Variants in SYT2 observed in about 807,000 individuals in gnomAD.
SYT2 encodes the protein synaptotagmin 2, also known as synaptotagmin-2.
In SYT2, 15 loss-of-function variants were observed where a neutral mutation model predicts 39.9. That is an observed-to-expected ratio of 0.38 (90% confidence interval 0.25 to 0.58). The LOEUF is 0.58. Ranked by LOEUF, SYT2 falls within the 20% of genes least tolerant of loss-of-function variation. The pLI is 0.70. For missense variants in SYT2, 389 were observed against 530.3 expected (o/e 0.73, Z 2.62); for synonymous variants, 181 against 204.5 (o/e 0.89, Z 0.98).
At chr1:202,643,925 GGGAGGGGACCCCCTGGCTGTAGGGAAT>G (rs1692011423) in intron 1 of SYT2, among the ~76,000 whole-genome samples, 1 of 152,244 alleles carries the variant, frequency 6.6e-6, no homozygotes, top group African/African-American at 2.4e-5. Flanking sequence ...GATTAGCTGG[GGGAGGGGACCCCCTGGCTGTAGGGAAT>G]GGCCTGCGGG....
In SYT2 at chr1:202,600,110, C is replaced by A. The variant is rs189476813; in HGVS notation, c.919+247G>T. The stretch of plus-strand genomic sequence containing the variant: ...ACAAACTTATCTGGGGATGAAATTT[C>A]TCTGATCCTTTTCTCTGTAGCCCAC... On this transcript the variant is annotated intron_variant, in intron 7 of 8. Transcript: ENST00000367268. Among the ~76,000 whole-genome samples, 177 of 152,324 alleles carry A rather than the reference C, an allele frequency of 1.2e-3. 1 individual carries two copies. The highest frequency in any genetic ancestry group is 4.1e-3 in the African/African-American group (172 of 41,574).
Position 202,601,749 on chromosome 1 carries a change from A to C in SYT2, c.801+141T>G. The C allele has an allele frequency of 1.1e-6, 1 of 888,496 alleles. No homozygotes were observed. Among genetic ancestry groups the C allele is most frequent in the Non-Finnish European group, 1.7e-6 (1 of 574,544 alleles). The allele number at this position is 888,496 out of a possible 1,614,324, so 55.0% of individuals were successfully genotyped here. On this transcript the variant is annotated intron_variant, in intron 6 of 8. Transcript: ENST00000367268. The surrounding 1 kb of genome is among the most constrained non-coding windows in gnomAD (Gnocchi z 4.0). Reference sequence around the variant, plus strand: ...GAGTGTAAGCAACTTGCCCAGGGTCACACAGCCAGGCAGTGTGGAGCTGGG... The same window carrying C: ...GAGTGTAAGCAACTTGCCCAGGGTCCCACAGCCAGGCAGTGTGGAGCTGGG...
At chr1:202,709,922 C>CG (rs1007951248) in intron 1 of SYT2, among the ~76,000 whole-genome samples, 31 of 152,142 alleles carry the variant, frequency 2.0e-4, no homozygotes, top group Middle Eastern at 6.8e-3. Context: ...GAGAGAGGGA[C>CG]GGGGGCGCAG....
At position 202,595,183 on chromosome 1, in the gene SYT2, C is replaced by G. The variant is rs12033887; in HGVS notation, c.*1574G>C. The G allele has an allele frequency of 0.099, 15,044 of 152,438 alleles. 1,138 individuals are homozygous for G. Among genetic ancestry groups the G allele is most frequent in the East Asian group, 0.35 (1,825 of 5,184 alleles). The allele number at this position is 152,438 out of a possible 1,614,324, so 9.4% of individuals were successfully genotyped here. A position where few individuals can be genotyped will look rare whatever the true frequency, so the allele number is the denominator to read the frequency against. On this transcript the variant is annotated 3_prime_UTR_variant, in exon 9 of 9. Transcript: ENST00000367268. ...CCTCTGGCCACAAGGGGACCTCACT[C>G]TGTTGTCCAGGCTGAAGGATTGGAA...
At chr1:202,685,886 G>A (rs565119023) in intron 1 of SYT2, among the ~76,000 whole-genome samples, 3 of 152,010 alleles carry the variant, frequency 2.0e-5, no homozygotes, top group African/African-American at 4.8e-5. Context: ...GAGATCATCC[G>A]GACACAGTCT....
chr1:202,670,245 A>G (rs1398373649), intron 1 of SYT2, among the ~76,000 whole-genome samples: 2 of 152,228 alleles, frequency 1.3e-5, no homozygotes. Context: ...CACTGGGAAC[A>G]GACAGAGAAG....
At chr1:202,691,690 A>G (rs112913850) in intron 1 of SYT2, among the ~76,000 whole-genome samples, 6 of 7,502 alleles carry the variant, frequency 8.0e-4, no homozygotes, top group African/African-American at 1.8e-3. Flanking sequence ...CGAGGGGGAG[A>G]GGGAGAGGGA....
chr1:202,651,742 A>G (rs1196278112), intron 1 of SYT2, among the ~76,000 whole-genome samples: 1 of 152,216 alleles, frequency 6.6e-6, no homozygotes, highest in Non-Finnish European at 1.5e-5. Context: ...TATTCTACCC[A>G]GTTTACAGAA....
At chr1:202,604,742 T>G in intron 2 of SYT2, 121 bp from the exon 3 acceptor site, 2 of 927,668 alleles carry the variant, frequency 2.2e-6, no homozygotes, top group African/African-American at 3.3e-5. Context: ...ACACCCCACA[T>G]TTTAAAAGCC....
At chr1:202,690,081 C>T (rs973248686) in intron 1 of SYT2, among the ~76,000 whole-genome samples, 7 of 147,472 alleles carry the variant, frequency 4.7e-5, no homozygotes, top group South Asian at 2.2e-4. Context: ...GACGCAGCAA[C>T]GGAACAGCTG....
rs527247729 is a variant in SYT2, at chr1:202,602,422, G to T, written c.589C>A (p.Arg197=). The T allele has an allele frequency of 4.3e-6, 7 of 1,614,064 alleles. No individual in the cohort carries two copies. The East Asian group carries it at 1.6e-4, about 36-fold the overall frequency. ...TTGAAGGCAGGGTTCAGTGTCTTCC[G>T]ATGGACTTTGGTCTCATATTTCTTC... ...KKKKYETKVH[R]KTLNPAFNET... is the part of the protein sequence containing the mutation. Residue 197 remains arginine (R), a synonymous_variant, in exon 5 of 9, where the codon CGG becomes AGG. Coordinates refer to ENST00000367268, the MANE Select transcript of SYT2 (RefSeq NM_177402.5).
chr1:202,658,719 G>A (rs1036111603), intron 1 of SYT2, among the ~76,000 whole-genome samples: 8 of 151,182 alleles, frequency 5.3e-5, no homozygotes, highest in African/African-American at 7.3e-5. Flanking sequence ...AGGGAAATGC[G>A]CAGCCAAATG....
At chr1:202,640,761 AGAGAGAG>A (rs1189118910) in intron 1 of SYT2, among the ~76,000 whole-genome samples, 16 of 148,690 alleles carry the variant, frequency 1.1e-4, no homozygotes, top group Non-Finnish European at 2.2e-4. Context: ...AGAGAGAGAG[AGAGAGAG>A]AGAGAGAGAG....
rs532583265 is a variant in SYT2 at position 202,654,876 on chromosome 1, T to C, written c.-17-49087A>G. 1.1e-4 allele frequency among the ~76,000 whole-genome samples: 17 copies of C among 152,274 alleles called. No individual in the cohort carries two copies. In the South Asian group the frequency reaches 3.5e-3, roughly 32 times the overall value. ...TCTGCATAATCCAGGTGAGAGATGC[T>C]AATGGCTGGCCCAGGCTGCTAGAGC... On this transcript the variant is annotated intron_variant, in intron 1 of 8. Transcript: ENST00000367268.
intron 1 of SYT2, among the ~76,000 whole-genome samples, chr1:202,625,118 A>G (rs116287564): frequency 0.27 from 488 of 1,780 alleles, 230 homozygotes; most frequent in Non-Finnish European, 0.39. Flanking sequence ...TGTGTGTGGT[A>G]TGTGTGTCGT....
At chr1:202,704,560 T>A (rs1654201002) in intron 1 of SYT2, among the ~76,000 whole-genome samples, 1 of 151,694 alleles carries the variant, frequency 6.6e-6, no homozygotes, top group Middle Eastern at 3.4e-3. Flanking sequence ...ACTTCTCAGG[T>A]CTGGAGTCTC....
chr1:202,673,806 C>T (rs1653238226), intron 1 of SYT2, among the ~76,000 whole-genome samples: 1 of 152,174 alleles, frequency 6.6e-6, no homozygotes, highest in African/African-American at 2.4e-5. Context: ...TTATTCGAGG[C>T]AGGGAGATTT....
At chr1:202,702,510 G>A (rs1419699366) in intron 1 of SYT2, among the ~76,000 whole-genome samples, 2 of 152,280 alleles carry the variant, frequency 1.3e-5, no homozygotes, top group Middle Eastern at 3.4e-3. Flanking sequence ...CCACCCTTGA[G>A]TTTCCTGGGG....
In SYT2 at chr1:202,602,367, G is replaced by C. The variant is rs1558423495; in HGVS notation, c.633+11C>G. ...GCAGGGAGCTGGAGTCACCCTTCCA[G>C]CCCTCAGCACCTTGAAGGTGAAGGT... On this transcript the variant is annotated intron_variant, in intron 5 of 8. Coordinates refer to ENST00000367268, the MANE Select transcript of SYT2 (RefSeq NM_177402.5). The C allele has an allele frequency of 4.3e-6, 7 of 1,611,496 alleles. No homozygotes were observed. The highest frequency in any genetic ancestry group is 5.9e-6 in the Non-Finnish European group (7 of 1,178,270).
Sources: allele counts gnomAD v4.1 joint callset (sites outside exome capture counted in the v4.1 genomes callset), GRCh38; gene constraint gnomAD v4.1.1; non-coding constraint Gnocchi (gnomAD v3.1); transcripts MANE v1.5; gene names NCBI Gene and HGNC (gene_info 2026-07-23, HGNC 2026-07-21).